The following CFAP92 variants were observed in gnomAD, a reference collection of about 807,000 sequenced individuals.
The protein encoded by CFAP92 is cilia and flagella associated protein 92 (putative), also known as uncharacterized protein CFAP92.
CFAP92 carries 86 observed loss-of-function variants against 106.3 expected under a neutral mutation model. The ratio of observed to expected loss-of-function variants is 0.81; its 90% confidence interval spans 0.68 to 0.97. The LOEUF (loss-of-function observed/expected upper bound fraction) is 0.97. CFAP92 is among the 50% of genes least tolerant of loss of function. The pLI, the probability that CFAP92 is intolerant of heterozygous loss-of-function variation, is 0.00. For missense variants in CFAP92, 1,204 were observed against 1,283.8 expected, an observed-to-expected ratio of 0.94 and a Z score of 0.95; for synonymous variants, 477 against 506.4, an observed-to-expected ratio of 0.94 and a Z score of 0.78.
At chr3:128,994,134 G>A, upstream of CFAP92, 1 of 985,796 alleles carries the variant, frequency 1.0e-6, no homozygotes, top group Non-Finnish European at 1.2e-6. Context: ...AGCTACGTTT[G>A]GCGGTTGCTA....
intron 10 of CFAP92, among the ~76,000 whole-genome samples, chr3:128,937,442 T>C (rs1434315043): frequency 6.6e-6 from 1 of 150,864 alleles, no homozygotes; most frequent in African/African-American, 2.4e-5. Context: ...CTACTAAAAA[T>C]ACAAAAAATT....
rs564023192 is a variant in CFAP92, at chr3:128,941,259, G to A, written c.2258+3812C>T. 1.5e-3 allele frequency among the ~76,000 whole-genome samples: 226 copies of A among 151,900 alleles called. 2 individuals are homozygous for A. Among genetic ancestry groups the A allele is most frequent in the Non-Finnish European group, 2.4e-3 (166 of 67,958 alleles). On this transcript the variant is annotated intron_variant, in intron 10 of 15. Transcript: ENST00000645291. ...GATTTTTATACTAATTTTTATATTC[G>A]ATACCACATTAAATAATCTTATCTG...
At chr3:128,999,531 C>CTTTTTTTTT (rs5852556) in intron 1 of CFAP92, among the ~76,000 whole-genome samples, 3 of 71,596 alleles carry the variant, frequency 4.2e-5, no homozygotes, top group African/African-American at 6.2e-5. Context: ...AAATCAGGTT[C>CTTTTTTTTT]TTTTTTTTTT....
At chr3:129,022,660 G>C in the CFAP92 span, among the ~76,000 whole-genome samples, 4 of 152,208 alleles carry the variant, frequency 2.6e-5, no homozygotes, top group Non-Finnish European at 5.9e-5. Context: ...GGAAGTGAGG[G>C]TGTGAGGGGA....
chr3:128,925,070 CA>C (rs1937561821), intron 12 of CFAP92, among the ~76,000 whole-genome samples: 2 of 152,360 alleles, frequency 1.3e-5, no homozygotes, highest in South Asian at 4.1e-4. Context: ...TGGGTCTGAT[CA>C]CCCCAACATA....
chr3:129,024,176 C>T, the CFAP92 span, among the ~76,000 whole-genome samples: 1 of 152,182 alleles, frequency 6.6e-6, no homozygotes, highest in Non-Finnish European at 1.5e-5. Flanking sequence ...GGAGAGGTGT[C>T]TTATTCATAT....
chr3:128,912,775 T>A lies in CFAP92; in HGVS notation c.3280+2344A>T, dbSNP rs1378262058. On this transcript the variant is annotated intron_variant, in intron 15 of 15. Coordinates refer to ENST00000645291, the MANE Select transcript of CFAP92 (RefSeq NM_001394090.1). ...GGCCTGGGAGAGCCTCTTCCAGGTT[T>A]TGACCTGCAGGCAGTGCTCTCTAAC... is the stretch of plus-strand genomic sequence containing the variant. The A allele has an allele frequency of 4.0e-6, 3 of 755,386 alleles. No individual in the cohort carries two copies. In the Admixed American group the frequency reaches 5.1e-5, roughly 13 times the overall value. 46.8% of individuals were successfully genotyped at this position (755,386 alleles called of 1,614,324 possible).
Position 128,993,345 on chromosome 3 carries a change from G to C in CFAP92, c.-32-9C>G, listed in dbSNP as rs1452361014. Reference sequence around the variant, plus strand: ...GCTGGCCGCCGGCGCTCCTGGCAGGGAGAAAGTGAAGGCTGTCCCCGCCTG... The same window carrying C: ...GCTGGCCGCCGGCGCTCCTGGCAGGCAGAAAGTGAAGGCTGTCCCCGCCTG... On this transcript the variant is annotated splice_polypyrimidine_tract_variant and intron_variant, in intron 1 of 15. Transcript: ENST00000645291. 6.4e-7 allele frequency: 1 copy of C among 1,573,324 alleles called. No homozygotes were observed. Among genetic ancestry groups the C allele is most frequent in the African/African-American group, 1.4e-5 (1 of 74,072 alleles).
intron 4 of CFAP92, among the ~76,000 whole-genome samples, chr3:128,981,272 G>A (rs893790639): frequency 6.3e-4 from 96 of 151,958 alleles, no homozygotes; most frequent in African/African-American, 2.0e-3. Flanking sequence ...TCCTGACCTC[G>A]TGATCTGTCC....
At chr3:128,937,524 C>G (rs1273978023) in intron 10 of CFAP92, among the ~76,000 whole-genome samples, 1 of 151,398 alleles carries the variant, frequency 6.6e-6, no homozygotes, top group African/African-American at 2.4e-5. Flanking sequence ...GGCGTGAACT[C>G]AGGAGGCGGA....
intron 15 of CFAP92, among the ~76,000 whole-genome samples, chr3:128,912,247 G>A (rs1010140002): frequency 7.2e-5 from 11 of 152,182 alleles, no homozygotes; most frequent in African/African-American, 2.4e-4. Flanking sequence ...GGCTGTTTAC[G>A]GAGCAAGTGC....
At chr3:129,003,011 G>T (rs531086590), upstream of CFAP92, among the ~76,000 whole-genome samples, 14 of 152,268 alleles carry the variant, frequency 9.2e-5, no homozygotes, top group South Asian at 1.2e-3. Flanking sequence ...TGTGCCAGCC[G>T]AGCACCAAGG....
chr3:128,965,216 A>C (rs1942280965), intron 9 of CFAP92, among the ~76,000 whole-genome samples: 1 of 152,280 alleles, frequency 6.6e-6, no homozygotes, highest in East Asian at 1.9e-4. Context: ...CCTGCCCACC[A>C]GAGAACAACC....
At chr3:128,976,549 G>A (rs1455670195) in intron 6 of CFAP92, among the ~76,000 whole-genome samples, 1 of 152,124 alleles carries the variant, frequency 6.6e-6, no homozygotes, top group African/African-American at 2.4e-5. Flanking sequence ...TAGCATCCAA[G>A]GAGTCTCCTT....
At chr3:129,002,372 C>G in intron 1 of CFAP92, 2 of 1,486,558 alleles carry the variant, frequency 1.3e-6, no homozygotes, top group South Asian at 1.3e-5. Flanking sequence ...GGAGAGGGCT[C>G]GAACTAAAAG....
the CFAP92 span, among the ~76,000 whole-genome samples, chr3:129,016,643 C>T: frequency 6.6e-6 from 1 of 152,094 alleles, no homozygotes; most frequent in African/African-American, 2.4e-5. Flanking sequence ...GCCCTGGAGA[C>T]AGAGCTACAG....
At chr3:128,958,504 A>G (rs1366333344) in intron 9 of CFAP92, among the ~76,000 whole-genome samples, 1 of 152,222 alleles carries the variant, frequency 6.6e-6, no homozygotes, top group Admixed American at 6.5e-5. Context: ...CAAAGGATAC[A>G]TGGGACCTCT....
At chr3:129,006,304 G>A (rs1371518894), upstream of CFAP92, among the ~76,000 whole-genome samples, 3 of 152,150 alleles carry the variant, frequency 2.0e-5, no homozygotes, top group African/African-American at 7.2e-5. Flanking sequence ...AACAAAACTG[G>A]AGTTCTGTTT....
At chr3:128,943,153 C>T (rs889507384) in intron 10 of CFAP92, among the ~76,000 whole-genome samples, 13 of 152,036 alleles carry the variant, frequency 8.6e-5, no homozygotes, top group Admixed American at 6.6e-4. Flanking sequence ...CTCCTGACCT[C>T]GTGATCTGCC....
Sources: gnomAD v4.1 joint callset for allele counts (sites outside exome capture counted in the v4.1 genomes callset) on GRCh38, gnomAD v4.1.1 for gene constraint, MANE v1.5 for transcripts, NCBI Gene and HGNC (gene_info 2026-07-23, HGNC 2026-07-21) for gene names.